Variants in AGT observed in about 807,000 individuals in gnomAD.
The protein encoded by AGT is alpha-1 antiproteinase, antitrypsin.
A neutral mutation model predicts 28.1 loss-of-function variants in AGT; 26 were observed. The ratio of observed to expected loss-of-function variants is 0.92; its 90% CI spans 0.68 to 1.28. AGT has a LOEUF of 1.28. Among genes scored for constraint, AGT ranks in the 50% most tolerant of loss-of-function variants. The pLI, the probability that AGT is intolerant of heterozygous loss-of-function variation, is 0.00. For synonymous variants in AGT, 259 were observed against 259.6 expected, an observed-to-expected ratio of 1.00 and a Z score of 0.02; for missense variants, 596 against 592.3, an observed-to-expected ratio of 1.01 and a Z score of -0.06.
chr1:230,710,280 G>C lies in AGT; in HGVS notation c.544C>G (p.Leu182Val), dbSNP rs1663539539. The change falls in exon 2 of 5, where the codon CTA becomes GTA. Residue 182 changes from leucine (L) to valine (V), a missense_variant. Leu to Val is a conservative substitution (Grantham distance 32, BLOSUM62 1). Coordinates refer to ENST00000366667, the MANE Select transcript of AGT (RefSeq NM_001384479.1). ...LSALQAVQGL[L>V]VAQGRADSQA... ...CTATCAGCCCTGCCCTGGGCCACTA[G>C]CAGGCCCTGTACAGCCTGCAGGGCA... The C allele has an allele frequency of 1.2e-6, 2 of 1,613,798 alleles. No individual in the cohort carries two copies. Among genetic ancestry groups the C allele is most frequent in the Non-Finnish European group, 1.7e-6 (2 of 1,180,030 alleles).
Position 230,710,713 on chromosome 1 carries a change from G to A in AGT, c.111C>T (p.His37=). The part of the protein sequence containing the change: ...VYIHPFHLVI[H]NESTCEQLAK... ...CCAGCTGCTCACAGGTACTCTCATT[G>A]TGGATGACGAGGTGGAAGGGGTGTA... The change falls in exon 2 of 5, where the codon CAC becomes CAT. Residue 37 remains histidine, a synonymous_variant. Transcript: ENST00000366667. The A allele has an allele frequency of 1.9e-6, 3 of 1,614,132 alleles. No homozygotes were observed. The highest frequency in any genetic ancestry group is 1.1e-5 in the South Asian group (1 of 91,088).
intron 2 of AGT, among the ~76,000 whole-genome samples, chr1:230,706,933 C>A (rs2102787801): frequency 6.6e-6 from 1 of 152,326 alleles, no homozygotes; most frequent in Admixed American, 6.5e-5. Flanking sequence ...CAGAGCCCAC[C>A]AGCTGTCCTG....
intron 1 of AGT, among the ~76,000 whole-genome samples, chr1:230,722,237 A>G (rs920478516): frequency 4.6e-5 from 7 of 152,252 alleles, no homozygotes; most frequent in Admixed American, 3.9e-4. Flanking sequence ...GTGGGTGCAC[A>G]GGAGACAAGA....
chr1:230,736,340 G>A (rs368437828), intron 1 of AGT, among the ~76,000 whole-genome samples: 1 of 151,986 alleles, frequency 6.6e-6, no homozygotes, highest in African/African-American at 2.4e-5. Context: ...TGGCTAACAC[G>A]GTGAAACCCC....
rs908067111 is a variant in AGT, at chr1:230,703,046, C to T, written c.*95G>A. 4 of 1,393,104 alleles carry T rather than the reference C, an allele frequency of 2.9e-6. No homozygotes were observed. The highest frequency in any genetic ancestry group is 2.5e-5 in the South Asian group (2 of 80,518). 86.3% of individuals were successfully genotyped at this position (1,393,104 alleles called of 1,614,324 possible). A position where few individuals can be genotyped will look rare whatever the true frequency, so the allele number is the denominator to read the frequency against. On this transcript the variant is annotated 3_prime_UTR_variant, in exon 5 of 5. Coordinates refer to ENST00000366667, the MANE Select transcript of AGT (RefSeq NM_001384479.1). ...AGGTGGGAGACTGGGGGTGACACAT[C>T]GCTGATTTGTCCGGGGTTGTTATCT...
At chr1:230,723,950 A>G (rs1663891391) in intron 1 of AGT, among the ~76,000 whole-genome samples, 1 of 152,246 alleles carries the variant, frequency 6.6e-6, no homozygotes, top group African/African-American at 2.4e-5. Flanking sequence ...CTCTCTATTT[A>G]TGGTAGTTCA....
upstream of AGT, among the ~76,000 whole-genome samples, chr1:230,718,151 C>T (rs1479870176): frequency 1.3e-5 from 2 of 152,046 alleles, no homozygotes; most frequent in Admixed American, 6.6e-5. Flanking sequence ...TGCTATGTTG[C>T]CCAGGCTGAT....
intron 1 of AGT, among the ~76,000 whole-genome samples, chr1:230,733,214 C>T (rs1316997709): frequency 1.3e-5 from 2 of 152,048 alleles, no homozygotes; most frequent in Non-Finnish European, 2.9e-5. Context: ...ACCTGGGAGG[C>T]AGAGGTTGCA....
intron 2 of AGT, among the ~76,000 whole-genome samples, chr1:230,708,194 G>A (rs1252180020): frequency 1.3e-5 from 2 of 152,192 alleles, no homozygotes; most frequent in East Asian, 1.9e-4. Context: ...AGGATCCTGG[G>A]CTTCCTTTGA....
intron 1 of AGT, among the ~76,000 whole-genome samples, chr1:230,735,097 A>T (rs1032967321): frequency 6.6e-6 from 1 of 152,096 alleles, no homozygotes; most frequent in African/African-American, 2.4e-5. Flanking sequence ...CCCGTTGCTC[A>T]TGGAGGACTG....
chr1:230,724,578 C>T (rs1663903021), intron 1 of AGT, among the ~76,000 whole-genome samples: 1 of 146,354 alleles, frequency 6.8e-6, no homozygotes, highest in Non-Finnish European at 1.5e-5. Context: ...AATACCAGCA[C>T]TTTGGGAGGC....
chr1:230,740,679 G>A (rs200811894), intron 1 of AGT, among the ~76,000 whole-genome samples: 30 of 152,272 alleles, frequency 2.0e-4, no homozygotes, highest in African/African-American at 5.3e-4. Context: ...GGCCAGATGC[G>A]GTGGCTCACG....
chr1:230,719,880 G>A (rs1663811143), intron 1 of AGT, among the ~76,000 whole-genome samples: 2 of 152,184 alleles, frequency 1.3e-5, no homozygotes, highest in South Asian at 2.1e-4. Flanking sequence ...AGCAAAAAGT[G>A]ATTGCTGCCT....
At chr1:230,741,771 C>T (rs939053095) in intron 1 of AGT, among the ~76,000 whole-genome samples, 2 of 152,140 alleles carry the variant, frequency 1.3e-5, no homozygotes, top group African/African-American at 4.8e-5. Flanking sequence ...GCCCTCAGGA[C>T]AGATAAGCTC....
In AGT at chr1:230,704,286, C is replaced by T. The variant is rs1415017893; in HGVS notation, c.1149G>A (p.Leu383=). ...PQLVLQGSYD[L]QDLLAQAELP... ...GCTCAGCCTGGGCGAGCAGGTCCTGCAGGTCATAAGATCCTTGCAGCACCA... is the reference window on the plus strand; with the variant it reads ...GCTCAGCCTGGGCGAGCAGGTCCTGTAGGTCATAAGATCCTTGCAGCACCA... Residue 383 remains leucine, a synonymous_variant, in exon 4 of 5, where the codon CTG becomes CTA. Transcript: ENST00000366667. 2 of 1,614,234 alleles carry T rather than the reference C, an allele frequency of 1.2e-6. No homozygotes were observed. The highest frequency in any genetic ancestry group is 1.7e-6 in the Non-Finnish European group (2 of 1,180,050).
At chr1:230,732,421 T>A (rs1429918537) in intron 1 of AGT, among the ~76,000 whole-genome samples, 4 of 151,952 alleles carry the variant, frequency 2.6e-5, no homozygotes, top group Non-Finnish European at 5.9e-5. Flanking sequence ...AGGGCTGGAA[T>A]GGGATCAACC....
chr1:230,732,451 A>G (rs61826451), intron 1 of AGT, among the ~76,000 whole-genome samples: 8 of 151,956 alleles, frequency 5.3e-5, no homozygotes, highest in Non-Finnish European at 8.8e-5. Flanking sequence ...TTGGTGAACT[A>G]CAGTTGATCC....
At chr1:230,706,350 G>A (rs1663388333) in intron 2 of AGT, 150 bp from the exon 3 acceptor site, 1 of 850,636 alleles carries the variant, frequency 1.2e-6, no homozygotes, top group Non-Finnish European at 1.8e-6. Context: ...CATTCTCCTG[G>A]CCACAGGACC....
intron 1 of AGT, among the ~76,000 whole-genome samples, chr1:230,741,398 A>C (rs16852515): frequency 0.19 from 28,961 of 152,234 alleles, 3,530 homozygotes; most frequent in African/African-American, 0.33. Context: ...CTATGCGCCT[A>C]CAAGCTGGGA....
Sources: allele counts gnomAD v4.1 joint callset (sites outside exome capture counted in the v4.1 genomes callset), GRCh38; gene constraint gnomAD v4.1.1; transcripts MANE v1.5; gene names NCBI Gene and HGNC (gene_info 2026-07-23, HGNC 2026-07-21).